The following SLC17A7 variants were observed in gnomAD, a reference collection of about 807,000 sequenced individuals.
SLC17A7 encodes vesicular glutamate transporter 1.
A neutral mutation model predicts 59.1 loss-of-function variants in SLC17A7; 15 were observed. The ratio of observed to expected loss-of-function variants is 0.25; its 90% CI spans 0.17 to 0.39. The LOEUF is 0.39. Among genes scored for constraint, SLC17A7 ranks in the 10% least tolerant of loss-of-function variants. SLC17A7 has a pLI of 1.00. For missense variants in SLC17A7, 499 were observed against 765.1 expected, an observed-to-expected ratio of 0.65 and a Z score of 4.10; for synonymous variants, 353 against 308.9, an observed-to-expected ratio of 1.14 and a Z score of -1.50.
Position 49,441,413 on chromosome 19 carries a change from TC to T in SLC17A7, c.-35del, listed in dbSNP as rs780518993. Reference sequence around the variant, plus strand: ...CTCCTGCCGCCGGTCACCCCGCGGGTCCCCCCCGCCGATCCCCCCGCCCGCG... The same window carrying T: ...CTCCTGCCGCCGGTCACCCCGCGGGTCCCCCCGCCGATCCCCCCGCCCGCG... On this transcript the variant is annotated 5_prime_UTR_variant, in exon 1 of 12. Coordinates refer to ENST00000221485, the MANE Select transcript of SLC17A7 (RefSeq NM_020309.4). 1.5e-5 allele frequency: 21 copies of T among 1,433,876 alleles called. No homozygotes were observed. The highest frequency in any genetic ancestry group is 9.2e-5 in the East Asian group (3 of 32,708). 88.8% of individuals were successfully genotyped at this position (1,433,876 alleles called of 1,614,324 possible).
chr19:49,430,568 T>G lies in SLC17A7; in HGVS notation c.1634A>C (p.His545Pro). 3 of 1,603,420 alleles carry G rather than the reference T, an allele frequency of 1.9e-6. 1 individual carries two copies. In the South Asian group the frequency reaches 3.3e-5, roughly 18 times the overall value. ...PAPPPSYGATHSTFQPPRPPP... is the reference protein window; with the variant it reads ...PAPPPSYGATPSTFQPPRPPP... ...GGGCCTGGGGGGCTGAAATGTGCTG[T>G]GTGTGGCCCCATAGGAGGGCGGGGG... Residue 545 changes from histidine (H) to proline (P), a missense_variant, in exon 12 of 12, where the codon CAC becomes CCC. His to Pro is a moderately conservative substitution (Grantham distance 77). Around this residue, in one of 3 missense-constraint regions of SLC17A7, gnomAD observed 98 missense variants for 77.5 expected, o/e 1.27. Coordinates refer to ENST00000221485, the MANE Select transcript of SLC17A7 (RefSeq NM_020309.4).
chr19:49,433,695 C>T lies in SLC17A7; in HGVS notation c.867+31G>A. The T allele has an allele frequency of 6.2e-7, 1 of 1,614,088 alleles. No homozygotes were observed. The highest frequency in any genetic ancestry group is 8.5e-7 in the Non-Finnish European group (1 of 1,179,980). ...CAGGTTCGTGGCTTGCTATCTCTCC[C>T]CGCCCCTTCCCCGAAGATTTGGTCC... is the stretch of plus-strand genomic sequence containing the variant. On this transcript the variant is annotated intron_variant, in intron 7 of 11. Coordinates refer to ENST00000221485, the MANE Select transcript of SLC17A7 (RefSeq NM_020309.4). This position sits in a 1 kb window ranked among gnomAD's most constrained non-coding sequence, Gnocchi z 5.7.
chr19:49,430,876 G>A, intron 11 of SLC17A7, 64 bp from the exon 12 acceptor site: 1 of 1,559,150 alleles, frequency 6.4e-7, no homozygotes, highest in Non-Finnish European at 8.7e-7. Context: ...GAGAGAGGGG[G>A]AGGCCTAGAG....
intron 1 of SLC17A7, chr19:49,437,084 C>T: frequency 1.9e-6 from 1 of 531,742 alleles, no homozygotes; most frequent in Non-Finnish European, 3.4e-6. Context: ...ACTCAGGAGA[C>T]TTAGACCCCA....
Position 49,441,418 on chromosome 19 carries a change from C to T in SLC17A7, c.-39G>A. On this transcript the variant is annotated 5_prime_UTR_variant, in exon 1 of 12. Coordinates refer to ENST00000221485, the MANE Select transcript of SLC17A7 (RefSeq NM_020309.4). ...GCCGCCGGTCACCCCGCGGGTCCCC[C>T]CCGCCGATCCCCCCGCCCGCGGGCC... The T allele has an allele frequency of 1.4e-6, 2 of 1,433,504 alleles. No homozygotes were observed. The highest frequency in any genetic ancestry group is 1.8e-6 in the Non-Finnish European group (2 of 1,092,044). 88.8% of individuals were successfully genotyped at this position (1,433,504 alleles called of 1,614,324 possible).
rs376257038 is a variant in SLC17A7 at position 49,434,748 on chromosome 19, C to A, written c.549+20G>T. 4.3e-6 allele frequency: 7 copies of A among 1,614,078 alleles called. No homozygotes were observed. The highest frequency in any genetic ancestry group is 1.1e-5 in the South Asian group (1 of 91,078). On this transcript the variant is annotated intron_variant, in intron 4 of 11. Coordinates refer to ENST00000221485, the MANE Select transcript of SLC17A7 (RefSeq NM_020309.4). The stretch of plus-strand genomic sequence containing the variant: ...GGCAGGGTCCGAGCGAGGGCAGGGT[C>A]ATATCAGGCGGGGATTTACCTCTAC...
rs2078968948 is a variant in SLC17A7 at position 49,433,571 on chromosome 19, C to G, written c.867+155G>C. 1 of 1,041,548 alleles carries G rather than the reference C, an allele frequency of 9.6e-7. No homozygotes were observed. The highest frequency in any genetic ancestry group is 1.4e-6 in the Non-Finnish European group (1 of 689,744). The allele number at this position is 1,041,548 out of a possible 1,614,324, so 64.5% of individuals were successfully genotyped here. ...CAGCACCTGAGAATCTCGTCCTCCG[C>G]GGGTTGCAACCCGCCTCCTAGGTTC... On this transcript the variant is annotated intron_variant, in intron 7 of 11. Coordinates refer to ENST00000221485, the MANE Select transcript of SLC17A7 (RefSeq NM_020309.4). This position sits in a 1 kb window ranked among gnomAD's most constrained non-coding sequence, Gnocchi z 5.7.
At chr19:49,438,987 A>G (rs918766716) in intron 1 of SLC17A7, among the ~76,000 whole-genome samples, 5 of 152,186 alleles carry the variant, frequency 3.3e-5, no homozygotes, top group Non-Finnish European at 5.9e-5. Context: ...CAAGAGGACC[A>G]AGGACACAGA....
intron 5 of SLC17A7, 73 bp from the exon 6 acceptor site, chr19:49,434,119 T>C: frequency 2.1e-6 from 2 of 975,308 alleles, no homozygotes; most frequent in Non-Finnish European, 3.2e-6. Flanking sequence ...CCCCACCGCT[T>C]CCCCCTTTCC....
At position 49,430,466 on chromosome 19, in the gene SLC17A7, G is replaced by C; in HGVS notation, c.*53C>G. The stretch of plus-strand genomic sequence containing the variant: ...TTCCTTGACACTGTCACTCAGGCCA[G>C]AGATGAGTGGAATGGAGGTCCTGGA... On this transcript the variant is annotated 3_prime_UTR_variant, in exon 12 of 12. Transcript: ENST00000221485. 1.5e-6 allele frequency: 2 copies of C among 1,331,306 alleles called. No individual in the cohort carries two copies. Among genetic ancestry groups the C allele is most frequent in the East Asian group, 2.3e-5 (1 of 42,764 alleles). The allele number at this position is 1,331,306 out of a possible 1,614,324, so 82.5% of individuals were successfully genotyped here. A position where few individuals can be genotyped will look rare whatever the true frequency, so the allele number is the denominator to read the frequency against.
Position 49,430,782 on chromosome 19 carries a change from T to C in SLC17A7, c.1420A>G (p.Ile474Val). 6.2e-7 allele frequency: 1 copy of C among 1,612,924 alleles called. No homozygotes were observed. Among genetic ancestry groups the C allele is most frequent in the Non-Finnish European group, 8.5e-7 (1 of 1,179,390 alleles). ...TREEWQYVFLIASLVHYGGVI... is the reference protein window; with the variant it reads ...TREEWQYVFLVASLVHYGGVI... ...CCTCCATAGTGCACCAGGGAGGCAA[T>C]TAGGAACACGTACTGCCACTCCTCC... The change falls in exon 12 of 12, where the codon ATT becomes GTT. Residue 474 changes from isoleucine to valine, a missense_variant. Transcript: ENST00000221485.
chr19:49,431,153 G>A lies in SLC17A7; in HGVS notation c.1262-11C>T, dbSNP rs1215050964. On this transcript the variant is annotated splice_polypyrimidine_tract_variant and intron_variant, in intron 10 of 11. Transcript: ENST00000221485. This position sits in a 1 kb window ranked among gnomAD's most constrained non-coding sequence, Gnocchi z 4.6. ...GGTTCACGTTGAACCCTGGCGGAGAGACAAGTCGGAAGGCGTCACACCGGA... is the reference window on the plus strand; with the variant it reads ...GGTTCACGTTGAACCCTGGCGGAGAAACAAGTCGGAAGGCGTCACACCGGA... The A allele has an allele frequency of 3.7e-6, 6 of 1,610,944 alleles. No individual in the cohort carries two copies. The highest frequency in any genetic ancestry group is 1.3e-5 in the African/African-American group (1 of 74,852).
Position 49,441,492 on chromosome 19 carries a change from C to A in SLC17A7, c.-113G>T. ...GGGGTCCAGCCCCGGCCCGGCCGGC[C>A]CCGCAGCTCCGCTCGGGGGGAAGGA... On this transcript the variant is annotated 5_prime_UTR_variant, in exon 1 of 12. Coordinates refer to ENST00000221485, the MANE Select transcript of SLC17A7 (RefSeq NM_020309.4). 9.3e-7 allele frequency: 1 copy of A among 1,079,692 alleles called. No individual in the cohort carries two copies. The highest frequency in any genetic ancestry group is 1.1e-6 in the Non-Finnish European group (1 of 893,606). The allele number at this position is 1,079,692 out of a possible 1,614,324, so 66.9% of individuals were successfully genotyped here. A position where few individuals can be genotyped will look rare whatever the true frequency, so the allele number is the denominator to read the frequency against.
At position 49,432,924 on chromosome 19, in the gene SLC17A7, T is replaced by C; in HGVS notation, c.904A>G (p.Met302Val). 1 of 1,607,450 alleles carries C rather than the reference T, an allele frequency of 6.2e-7. No homozygotes were observed. Among genetic ancestry groups the C allele is most frequent in the Non-Finnish European group, 8.5e-7 (1 of 1,177,238 alleles). The change falls in exon 8 of 12, where the codon ATG (methionine) becomes GTG (valine). Residue 302 changes from methionine (M) to valine (V), a missense_variant. Physicochemically the swap from Met to Val is conservative, Grantham distance 21 (BLOSUM62 1). Transcript: ENST00000221485. ...STPWRRFFTSMPVYAIIVANF... is the reference protein window; with the variant it reads ...STPWRRFFTSVPVYAIIVANF... ...GCCACGATGATGGCATAGACTGGCA[T>C]AGACGTGAAGAAGCGCCGCCAGGGA...
At chr19:49,432,237 T>G (rs1278471503) in intron 9 of SLC17A7, among the ~76,000 whole-genome samples, 1 of 152,198 alleles carries the variant, frequency 6.6e-6, no homozygotes, top group Admixed American at 6.5e-5. Flanking sequence ...TGTGCAGGTC[T>G]TGTCCCTCCA....
intron 3 of SLC17A7, 124 bp from the exon 4 acceptor site, chr19:49,435,006 C>T: frequency 9.6e-7 from 1 of 1,042,016 alleles, no homozygotes; most frequent in Non-Finnish European, 1.5e-6. Flanking sequence ...ACCTCTCTGA[C>T]TTACACCTTC....
chr19:49,436,578 T>A lies in SLC17A7; in HGVS notation c.286A>T (p.Thr96Ser). The A allele has an allele frequency of 3.1e-6, 5 of 1,613,608 alleles. No homozygotes were observed. The highest frequency in any genetic ancestry group is 4.2e-6 in the Non-Finnish European group (5 of 1,179,934). The change falls in exon 2 of 12, where the codon ACC (threonine) becomes TCC (serine). Residue 96 changes from threonine to serine, a missense_variant. Thr to Ser is a moderately conservative substitution (Grantham distance 58, BLOSUM62 1). Around this residue, in one of 3 missense-constraint regions of SLC17A7, gnomAD observed 323 missense variants for 607.2 expected, o/e 0.53. Coordinates refer to ENST00000221485, the MANE Select transcript of SLC17A7 (RefSeq NM_020309.4). This position sits in a 1 kb window ranked among gnomAD's most constrained non-coding sequence, Gnocchi z 4.1. The stretch of plus-strand genomic sequence containing the variant: ...ACCACCACGTGGCCCCCGCGGTGGG[T>A]CGTGCTGTTATTGACCATGGAGACG... ...AIVSMVNNSTTHRGGHVVVQK... is the reference protein window; with the variant it reads ...AIVSMVNNSTSHRGGHVVVQK...
Position 49,431,018 on chromosome 19 carries a change from G to A in SLC17A7, c.1386C>T (p.His462=), listed in dbSNP as rs2078957283. 6.2e-7 allele frequency: 1 copy of A among 1,608,160 alleles called. No homozygotes were observed. The highest frequency in any genetic ancestry group is 1.1e-5 in the South Asian group (1 of 90,832). Residue 462 remains histidine, a synonymous_variant, in exon 11 of 12, where the codon CAC becomes CAT. Coordinates refer to ENST00000221485, the MANE Select transcript of SLC17A7 (RefSeq NM_020309.4). The surrounding 1 kb of genome is among the most constrained non-coding windows in gnomAD (Gnocchi z 4.6). ...CPIIVGAMTK[H]KTREEWQYVF... is the part of the protein sequence containing the mutation. ...GAGTCAGGACTGCGGCACCCACCTT[G>A]TGCTTAGTCATGGCCCCCACGATGA...
intron 5 of SLC17A7, 106 bp from the exon 6 acceptor site, chr19:49,434,152 G>A: frequency 1.3e-6 from 1 of 764,882 alleles, no homozygotes; most frequent in Admixed American, 2.1e-5. Flanking sequence ...ACAGGCCACA[G>A]CCCCTCCTCC....
Sources: gnomAD v4.1 joint callset for allele counts (sites outside exome capture counted in the v4.1 genomes callset) on GRCh38, gnomAD v4.1.1 for gene constraint, gnomAD v4.1.1 regional missense constraint, Gnocchi (gnomAD v3.1) non-coding constraint, MANE v1.5 for transcripts, NCBI Gene and HGNC (gene_info 2026-07-23, HGNC 2026-07-21) for gene names.